The following HEATR5B variants were observed in gnomAD, a reference collection of about 807,000 sequenced individuals.
HEATR5B encodes the protein HEAT repeat-containing protein 5B.
In HEATR5B, 156 loss-of-function variants were observed where a neutral mutation model predicts 224.1. The observed-to-expected ratio is 0.70, with a 90% CI of 0.61 to 0.80. HEATR5B has a LOEUF of 0.80. Ranked by LOEUF, HEATR5B falls within the 30% of genes least tolerant of loss-of-function variation. The pLI, the probability that HEATR5B is intolerant of heterozygous loss-of-function variation, is 0.00. For missense variants in HEATR5B, 2,323 were observed against 2,535.5 expected (o/e 0.92, Z 1.80); for synonymous variants, 1,027 against 893.0 (o/e 1.15, Z -2.68).
Position 37,057,316 on chromosome 2 carries a change from C to T in HEATR5B, c.2223+1G>A. The T allele has an allele frequency of 6.3e-7, 1 of 1,595,412 alleles. No homozygotes were observed. The highest frequency in any genetic ancestry group is 8.5e-7 in the Non-Finnish European group (1 of 1,172,366). On this transcript the variant is annotated splice_donor_variant, in intron 15 of 35. Coordinates refer to ENST00000233099, the MANE Select transcript of HEATR5B (RefSeq NM_019024.3). LOFTEE classifies it high-confidence loss of function. ...ATTTCATTTTCCTCTATGTTTATTA[C>T]CTGGTCTTCAATTGATTTATGATCA... is the stretch of plus-strand genomic sequence containing the variant.
chr2:37,033,027 C>G (rs1246806103), intron 21 of HEATR5B, among the ~76,000 whole-genome samples: 1 of 151,786 alleles, frequency 6.6e-6, no homozygotes, highest in African/African-American at 2.4e-5. Context: ...ATTACAGGTG[C>G]CTGCCACCAC....
chr2:36,985,642 T>G (rs143653877), intron 35 of HEATR5B, among the ~76,000 whole-genome samples: 29,830 of 144,916 alleles, frequency 0.21, 4,294 homozygotes, highest in East Asian at 0.64. Flanking sequence ...TTTTTTTTTT[T>G]TTTCAGTAGA....
intron 3 of HEATR5B, 31 bp downstream of exon 3, chr2:37,079,089 T>A (rs1672398092): frequency 7.3e-7 from 1 of 1,375,282 alleles, no homozygotes; most frequent in African/African-American, 1.4e-5. Context: ...AAAATAAAAC[T>A]TCAAGGGCCC....
chr2:37,054,783 C>G (rs1670800259), intron 16 of HEATR5B, among the ~76,000 whole-genome samples: 1 of 152,086 alleles, frequency 6.6e-6, no homozygotes, highest in Admixed American at 6.6e-5. Context: ...ACGCCCGGCC[C>G]ATTTCAGAAG....
At chr2:37,081,301 A>C (rs1424677027) in intron 2 of HEATR5B, among the ~76,000 whole-genome samples, 1 of 152,182 alleles carries the variant, frequency 6.6e-6, no homozygotes, top group East Asian at 1.9e-4. Flanking sequence ...TACATGTGCC[A>C]TGTTGGTGTG....
chr2:37,033,324 T>A (rs965118042), intron 21 of HEATR5B, among the ~76,000 whole-genome samples: 1 of 152,178 alleles, frequency 6.6e-6, no homozygotes. Flanking sequence ...GCCAAAATAA[T>A]TGTCCCAAGA....
intron 35 of HEATR5B, 36 bp from the exon 36 acceptor site, chr2:36,981,830 A>G (rs750070866): frequency 6.8e-6 from 10 of 1,470,658 alleles, no homozygotes; most frequent in South Asian, 2.6e-5. Flanking sequence ...GATCACAAAC[A>G]TAAGGATTAT....
chr2:37,029,894 G>A (rs28655972), intron 22 of HEATR5B, among the ~76,000 whole-genome samples: 10,133 of 151,318 alleles, frequency 0.067, 591 homozygotes, highest in African/African-American at 0.16. Context: ...ACCCGAGACC[G>A]TGCCACTACA....
intron 32 of HEATR5B, among the ~76,000 whole-genome samples, chr2:37,001,673 CTTT>C (rs1222098568): frequency 6.9e-6 from 1 of 144,012 alleles, no homozygotes; most frequent in African/African-American, 2.5e-5. Flanking sequence ...CTTTTTCTTT[CTTT>C]TTTTTTTTTG....
At chr2:37,056,695 G>T in intron 15 of HEATR5B, 80 bp from the exon 16 acceptor site, 6 of 1,200,946 alleles carry the variant, frequency 5.0e-6, no homozygotes, top group South Asian at 1.8e-5. Flanking sequence ...GAGGATTACA[G>T]CAGAGGAGAA....
intron 17 of HEATR5B, among the ~76,000 whole-genome samples, chr2:37,051,310 C>G (rs1293124632): frequency 7.3e-6 from 1 of 136,482 alleles, no homozygotes; most frequent in Non-Finnish European, 1.5e-5. Flanking sequence ...GAGCTGAGAT[C>G]ACGCCACTGC....
In HEATR5B at chr2:37,038,920, G is replaced by GGGGGGA. The variant is rs58707175; in HGVS notation, c.3047-897_3047-896insTCCCCC. ...GTCTCCCTGGGGTGGGGGGGGTGGG[G>GGGGGGA]AATCACATATTTTTCAATTTCTAGC... On this transcript the variant is annotated intron_variant, in intron 20 of 35. Transcript: ENST00000233099. 5.6e-4 allele frequency among the ~76,000 whole-genome samples: 70 copies of GGGGGGA among 124,592 alleles called. 5 individuals are homozygous for GGGGGGA. Among genetic ancestry groups the GGGGGGA allele is most frequent in the South Asian group, 1.1e-3 (4 of 3,752 alleles). The allele number at this position is 124,592 out of a possible 152,430, so 81.7% of individuals were successfully genotyped here. A position where few individuals can be genotyped will look rare whatever the true frequency, so the allele number is the denominator to read the frequency against.
chr2:37,043,660 C>T (rs1670012492), intron 18 of HEATR5B, among the ~76,000 whole-genome samples: 1 of 151,926 alleles, frequency 6.6e-6, no homozygotes, highest in African/African-American at 2.4e-5. Context: ...GTTAATAATG[C>T]AAAAAAGACT....
At chr2:37,017,687 CAAAAAAAAAAAA>C (rs1056240189) in intron 26 of HEATR5B, among the ~76,000 whole-genome samples, 60 of 61,700 alleles carry the variant, frequency 9.7e-4, no homozygotes, top group East Asian at 4.8e-3. Flanking sequence ...AATTCCGTCT[CAAAAAAAAAAAA>C]AAAAAAAAAA....
At chr2:37,021,780 A>T (rs1668473335) in intron 24 of HEATR5B, among the ~76,000 whole-genome samples, 1 of 151,354 alleles carries the variant, frequency 6.6e-6, no homozygotes, top group Non-Finnish European at 1.5e-5. Flanking sequence ...CCAGCTACTC[A>T]GGGGGCTGAG....
chr2:37,018,594 G>A (rs918950136), intron 26 of HEATR5B, among the ~76,000 whole-genome samples: 12 of 152,156 alleles, frequency 7.9e-5, no homozygotes, highest in South Asian at 4.1e-4. Context: ...CTTGCATTCA[G>A]CTACAGAGAG....
At position 36,981,546 on chromosome 2, in the gene HEATR5B, G is replaced by T. The variant is rs750598603; in HGVS notation, c.6160C>A (p.Pro2054Thr). The change falls in exon 36 of 36, where the codon CCA becomes ACA. Residue 2054 changes from proline to threonine, a missense_variant. Around this residue, in one of 12 missense-constraint regions of HEATR5B, gnomAD observed 844 missense variants for 812.9 expected, o/e 1.04. Coordinates refer to ENST00000233099, the MANE Select transcript of HEATR5B (RefSeq NM_019024.3). ...GGTGCAGAATGTATGGCGGGGGCTG[G>T]TTGTCTGGCAGCCGCTTTAGCTTTG... ...ASKAKAAARQ[P>T]APAIHSAPTI... is the part of the protein sequence containing the mutation. 6.2e-7 allele frequency: 1 copy of T among 1,614,076 alleles called. No individual in the cohort carries two copies.
At chr2:37,066,631 G>T (rs780682626) in intron 8 of HEATR5B, among the ~76,000 whole-genome samples, 32 of 152,058 alleles carry the variant, frequency 2.1e-4, no homozygotes, top group Non-Finnish European at 3.7e-4. Context: ...GACAACCAAA[G>T]ATCGCTTGCC....
Position 37,032,783 on chromosome 2 carries a change from A to C in HEATR5B, c.3217-10T>G. ...AACTACATAAGTGAACCTGTAAATC[A>C]TAACAATGTTAGGCGATTTCTCTTT... On this transcript the variant is annotated splice_polypyrimidine_tract_variant and intron_variant, in intron 21 of 35. Coordinates refer to ENST00000233099, the MANE Select transcript of HEATR5B (RefSeq NM_019024.3). 6.2e-7 allele frequency: 1 copy of C among 1,608,864 alleles called. No homozygotes were observed. Among genetic ancestry groups the C allele is most frequent in the Non-Finnish European group, 8.5e-7 (1 of 1,178,350 alleles).
Sources: allele counts gnomAD v4.1 joint callset (sites outside exome capture counted in the v4.1 genomes callset), GRCh38; gene constraint gnomAD v4.1.1; regional missense constraint gnomAD v4.1.1; transcripts MANE v1.5; gene names NCBI Gene and HGNC (gene_info 2026-07-23, HGNC 2026-07-21).